The following ZNF600 variants were observed in gnomAD, a reference collection of about 807,000 sequenced individuals.
ZNF600 encodes the protein zinc finger protein 600, also known as zinc finger protein KR-ZNF1.
ZNF600 carries 4 observed loss-of-function variants against 7.3 expected under a neutral mutation model. The ratio of observed to expected loss-of-function variants is 0.55; its 90% confidence interval spans 0.27 to 1.25. The LOEUF is 1.25. ZNF600 is among the 50% of genes most tolerant of loss of function. The probability of loss-of-function intolerance (pLI) is 0.12; values close to 1 mark genes in which losing one functional copy is unlikely to be tolerated. For synonymous variants in ZNF600, 290 were observed against 308.9 expected, an observed-to-expected ratio of 0.94 and a Z score of 0.64; for missense variants, 911 against 922.1, an observed-to-expected ratio of 0.99 and a Z score of 0.16.
the ZNF600 span, chr19:52,808,057 G>C: frequency 6.2e-7 from 1 of 1,613,586 alleles, no homozygotes; most frequent in South Asian, 1.1e-5. Context: ...CCTGTAAAGA[G>C]TCCTCTGAGC....
the ZNF600 span, chr19:52,801,177 G>A: frequency 1.2e-6 from 2 of 1,613,938 alleles, no homozygotes; most frequent in South Asian, 2.2e-5. Context: ...ACAATTAAAG[G>A]ATTTGCCACT....
the ZNF600 span, chr19:52,798,254 C>T: frequency 5.0e-5 from 9 of 179,616 alleles, no homozygotes; most frequent in Non-Finnish European, 8.1e-5. Flanking sequence ...CCAGTCTTGG[C>T]CTCTCAAAGT....
the ZNF600 span, among the ~76,000 whole-genome samples, chr19:52,813,697 GTGTT>G: frequency 5.9e-4 from 81 of 137,584 alleles, 13 homozygotes; most frequent in African/African-American, 2.3e-3. Context: ...TTCTTTTTCT[GTGTT>G]GAGTGTCTTT....
At chr19:52,800,179 A>G in the ZNF600 span, 1 of 1,613,518 alleles carries the variant, frequency 6.2e-7, no homozygotes, top group Non-Finnish European at 8.5e-7. Flanking sequence ...ACTTTCTCAC[A>G]TTCTTCACAT....
At chr19:52,817,704 T>C in the ZNF600 span, among the ~76,000 whole-genome samples, 1 of 152,140 alleles carries the variant, frequency 6.6e-6, no homozygotes, top group African/African-American at 2.4e-5. Flanking sequence ...CCCGTCTCCA[T>C]CCATGTCTGG....
chr19:52,812,334 G>A, the ZNF600 span, among the ~76,000 whole-genome samples: 1 of 141,990 alleles, frequency 7.0e-6, no homozygotes, highest in Non-Finnish European at 1.5e-5. Flanking sequence ...GGCGGGAAGG[G>A]TGGGGAAGAA....
chr19:52,794,336 A>G, the ZNF600 span, among the ~76,000 whole-genome samples: 1 of 152,200 alleles, frequency 6.6e-6, no homozygotes, highest in Non-Finnish European at 1.5e-5. Flanking sequence ...GAAAAGCCAC[A>G]CACTTATTTG....
At chr19:52,828,980 A>C in the ZNF600 span, among the ~76,000 whole-genome samples, 70,394 of 151,750 alleles carry the variant, frequency 0.46, 17,862 homozygotes, top group Non-Finnish European at 0.58. Flanking sequence ...CCTGCCTCAG[A>C]CTCCCGAGTA....
At chr19:52,780,215 A>T (rs1003515666) in intron 1 of ZNF600, among the ~76,000 whole-genome samples, 3 of 152,114 alleles carry the variant, frequency 2.0e-5, no homozygotes, top group Non-Finnish European at 4.4e-5. Context: ...TGCGCCGACC[A>T]CCCTGGGCAA....
chr19:52,770,472 G>A (rs1600379632), intron 3 of ZNF600, among the ~76,000 whole-genome samples: 1 of 152,308 alleles, frequency 6.6e-6, no homozygotes, highest in East Asian at 1.9e-4. Context: ...GACTAATAGT[G>A]TAGAAAAGTA....
chr19:52,817,875 T>C, the ZNF600 span: 10 of 1,605,000 alleles, frequency 6.2e-6, no homozygotes, highest in South Asian at 1.1e-5. Context: ...CAGAGAAGAC[T>C]CCCAACTCCA....
At position 52,774,845 on chromosome 19, in the gene ZNF600, T is replaced by C. The variant is rs997047208; in HGVS notation, c.64-144A>G. The stretch of plus-strand genomic sequence containing the variant: ...AGGTATTTTGAATATTTTTTCCCTA[T>C]AGTTGCATTTTATTGTACTTTTCTT... On this transcript the variant is annotated intron_variant, in intron 2 of 3. Transcript: ENST00000648973. The C allele has an allele frequency of 7.1e-5, 69 of 972,292 alleles. No individual in the cohort carries two copies. The African/African-American group carries it at 1.2e-3, about 16-fold the overall frequency. The allele number at this position is 972,292 out of a possible 1,614,324, so 60.2% of individuals were successfully genotyped here.
At chr19:52,787,648 GGAGATC>G (rs1179380624), upstream of ZNF600, among the ~76,000 whole-genome samples, 8 of 151,366 alleles carry the variant, frequency 5.3e-5, no homozygotes, top group Admixed American at 5.3e-4. Context: ...CATGAGGTCA[GGAGATC>G]GAGACCATCC....
At chr19:52,817,913 A>T in the ZNF600 span, 2 of 1,609,572 alleles carry the variant, frequency 1.2e-6, no homozygotes, top group African/African-American at 2.7e-5. Flanking sequence ...AAGGAAGGAG[A>T]CAGAGCAATC....
chr19:52,829,110 C>T, the ZNF600 span, among the ~76,000 whole-genome samples: 3 of 151,916 alleles, frequency 2.0e-5, no homozygotes, highest in East Asian at 1.9e-4. Context: ...GTGATTCACC[C>T]GCCTCGGCCT....
the ZNF600 span, among the ~76,000 whole-genome samples, chr19:52,815,321 G>A: frequency 2.8e-5 from 4 of 143,574 alleles, no homozygotes; most frequent in East Asian, 8.2e-4. Context: ...TTCAACATCA[G>A]CCTGGCCAAC....
At chr19:52,808,041 C>G in the ZNF600 span, 1 of 1,613,616 alleles carries the variant, frequency 6.2e-7, no homozygotes, top group Non-Finnish European at 8.5e-7. Context: ...TCTCCAGCAT[C>G]ACATCCCTGT....
the ZNF600 span, among the ~76,000 whole-genome samples, chr19:52,811,225 G>C: frequency 9.2e-5 from 14 of 151,426 alleles, no homozygotes; most frequent in Non-Finnish European, 1.8e-4. Context: ...GTGCAGCGGC[G>C]TGATCTCGGC....
chr19:52,816,998 T>C, the ZNF600 span, among the ~76,000 whole-genome samples: 3 of 151,252 alleles, frequency 2.0e-5, no homozygotes, highest in South Asian at 4.2e-4. Flanking sequence ...AGTAACACCA[T>C]AGTCTCCGTG....
Sources: gnomAD v4.1 joint callset for allele counts (sites outside exome capture counted in the v4.1 genomes callset) on GRCh38, gnomAD v4.1.1 for gene constraint, MANE v1.5 for transcripts, NCBI Gene and HGNC (gene_info 2026-07-23, HGNC 2026-07-21) for gene names.